CFAP58: variants seen among roughly 807,000 people sequenced by gnomAD.
The protein encoded by CFAP58 is cilia- and flagella-associated protein 58.
A neutral mutation model predicts 119.5 loss-of-function variants in CFAP58; 88 were observed. That is an observed-to-expected ratio of 0.74 (90% CI 0.62 to 0.88). The LOEUF is 0.88. Among genes scored for constraint, CFAP58 ranks in the 40% least tolerant of loss-of-function variants. The pLI is 0.00. For synonymous variants in CFAP58, 365 were observed against 366.3 expected, an observed-to-expected ratio of 1.00 and a Z score of 0.04; for missense variants, 990 against 1,021.2, an observed-to-expected ratio of 0.97 and a Z score of 0.42.
At chr10:104,403,703 T>G in intron 13 of CFAP58, 26 bp from the exon 14 acceptor site, 3 of 1,500,024 alleles carry the variant, frequency 2.0e-6, no homozygotes, top group Non-Finnish European at 2.8e-6. Flanking sequence ...GATAATTCTT[T>G]GCAAAATCAA....
In CFAP58 at chr10:104,440,337, A is replaced by T. The variant is rs545670748; in HGVS notation, c.2257-7361A>T. ...AAAAAATTCTTTGGAATAGCCAATT[A>T]AGTTGAATTTTAAAAAAACCACATG... On this transcript the variant is annotated intron_variant, in intron 15 of 17. Coordinates refer to ENST00000369704, the MANE Select transcript of CFAP58 (RefSeq NM_001008723.2). Among the ~76,000 whole-genome samples, 187 of 115,238 alleles carry T rather than the reference A, an allele frequency of 1.6e-3. 1 individual carries two copies. The highest frequency in any genetic ancestry group is 6.9e-3 in the African/African-American group (171 of 24,748). 75.6% of individuals were successfully genotyped at this position (115,238 alleles called of 152,430 possible).
At position 104,454,722 on chromosome 10, in the gene CFAP58, A is replaced by T. The variant is rs2013253380; in HGVS notation, c.*192A>T. On this transcript the variant is annotated 3_prime_UTR_variant, in exon 18 of 18. Coordinates refer to ENST00000369704, the MANE Select transcript of CFAP58 (RefSeq NM_001008723.2). ...GTCTGGTTCACGTTGATATTAACAG[A>T]TCATAATTCTCTCTGTTCAGTTAGG... 3 of 555,548 alleles carry T rather than the reference A, an allele frequency of 5.4e-6. No individual in the cohort carries two copies. Among genetic ancestry groups the T allele is most frequent in the African/African-American group, 1.9e-5 (1 of 52,842 alleles). 34.4% of individuals were successfully genotyped at this position (555,548 alleles called of 1,614,324 possible).
rs145774698 is a variant in CFAP58 at position 104,435,664 on chromosome 10, C to A, written c.2257-12034C>A. On this transcript the variant is annotated intron_variant, in intron 15 of 17. Coordinates refer to ENST00000369704, the MANE Select transcript of CFAP58 (RefSeq NM_001008723.2). ...CTTCTTTCTTGGTCTTTTTTCATTT[C>A]TCCTGTTCCCTAGAATGTTAACCAT... is the stretch of plus-strand genomic sequence containing the variant. Among the ~76,000 whole-genome samples the A allele has an allele frequency of 9.9e-5, 15 of 152,188 alleles. No individual in the cohort carries two copies. In the East Asian group the frequency reaches 2.9e-3, roughly 29 times the overall value.
At chr10:104,361,966 A>T in intron 2 of CFAP58, 57 bp from the exon 3 acceptor site, 1 of 1,537,794 alleles carries the variant, frequency 6.5e-7, no homozygotes, top group South Asian at 1.2e-5. Flanking sequence ...TTGCTGGTTT[A>T]TCTTGCATCT....
the CFAP58 span, among the ~76,000 whole-genome samples, chr10:104,348,097 C>T: frequency 6.6e-6 from 1 of 151,004 alleles, no homozygotes; most frequent in Non-Finnish European, 1.5e-5. Context: ...AGCTGTGGCC[C>T]TGGGGAGGTA....
At chr10:104,417,834 A>G (rs2012577530) in intron 15 of CFAP58, among the ~76,000 whole-genome samples, 2 of 152,242 alleles carry the variant, frequency 1.3e-5, no homozygotes, top group South Asian at 2.1e-4. Flanking sequence ...AACTTGTTCA[A>G]GAGTTCACAG....
intron 15 of CFAP58, among the ~76,000 whole-genome samples, chr10:104,431,947 T>G (rs2012854039): frequency 6.6e-6 from 1 of 152,220 alleles, no homozygotes; most frequent in African/African-American, 2.4e-5. Context: ...ATCTATTCTA[T>G]AGCCATTTTT....
At chr10:104,408,036 G>A (rs1474407580) in intron 15 of CFAP58, among the ~76,000 whole-genome samples, 21 of 152,194 alleles carry the variant, frequency 1.4e-4, no homozygotes, top group Admixed American at 1.4e-3. Context: ...ATATTAGTAG[G>A]AGTAGGAACT....
At position 104,446,800 on chromosome 10, in the gene CFAP58, G is replaced by A. The variant is rs1031361073; in HGVS notation, c.2257-898G>A. On this transcript the variant is annotated intron_variant, in intron 15 of 17. Transcript: ENST00000369704. ...ATGTAATTTCTTTAGTTCAAGGGTCGGAAAACACTTTACAAGCAATTAAAC... is the reference window on the plus strand; with the variant it reads ...ATGTAATTTCTTTAGTTCAAGGGTCAGAAAACACTTTACAAGCAATTAAAC... Among the ~76,000 whole-genome samples, 10 of 152,182 alleles carry A rather than the reference G, an allele frequency of 6.6e-5. No individual in the cohort carries two copies. In the East Asian group the frequency reaches 7.7e-4, roughly 12 times the overall value.
the CFAP58 span, among the ~76,000 whole-genome samples, chr10:104,340,580 A>G: frequency 4.6e-5 from 7 of 152,240 alleles, no homozygotes; most frequent in African/African-American, 1.7e-4. Flanking sequence ...ATAGGAAAGT[A>G]CAAAGATTCA....
At chr10:104,406,269 A>G (rs1480725833) in intron 14 of CFAP58, among the ~76,000 whole-genome samples, 2 of 152,142 alleles carry the variant, frequency 1.3e-5, no homozygotes, top group Admixed American at 1.3e-4. Context: ...TCTCAGCCTC[A>G]GTTGTCCTAT....
intron 9 of CFAP58, among the ~76,000 whole-genome samples, chr10:104,388,414 C>A (rs2011967968): frequency 6.6e-6 from 1 of 152,120 alleles, no homozygotes; most frequent in Non-Finnish European, 1.5e-5. Flanking sequence ...TTATATCCCC[C>A]ATTCATAATA....
At chr10:104,361,373 G>T (rs1001589681) in intron 2 of CFAP58, among the ~76,000 whole-genome samples, 5 of 152,128 alleles carry the variant, frequency 3.3e-5, no homozygotes, top group African/African-American at 9.7e-5. Flanking sequence ...GGTACAATTA[G>T]GTAACAGTAA....
rs1390368589 is a variant in CFAP58, at chr10:104,362,034, G to A, written c.303G>A (p.Lys101=). 1.2e-6 allele frequency: 2 copies of A among 1,613,690 alleles called. No individual in the cohort carries two copies. The highest frequency in any genetic ancestry group is 1.7e-6 in the Non-Finnish European group (2 of 1,179,886). The change falls in exon 3 of 18, where the codon AAG becomes AAA. Residue 101 remains lysine, a synonymous_variant. Transcript: ENST00000369704. ...TIASLKKEIE[K]AWKMVDSAYD... is the part of the protein sequence containing the mutation. ...TATGGCCCATCTAGGAAATTGAAAA[G>A]GCCTGGAAGATGGTGGACTCAGCCT...
chr10:104,397,753 C>T (rs1289190574), intron 11 of CFAP58, among the ~76,000 whole-genome samples: 1 of 152,228 alleles, frequency 6.6e-6, no homozygotes, highest in Non-Finnish European at 1.5e-5. Flanking sequence ...AGCTCTTCCT[C>T]CACATTTGCT....
At chr10:104,437,278 C>G (rs1400876474) in intron 15 of CFAP58, among the ~76,000 whole-genome samples, 1 of 152,234 alleles carries the variant, frequency 6.6e-6, no homozygotes, top group Non-Finnish European at 1.5e-5. Flanking sequence ...GCTACTGCTT[C>G]TATTACTCCT....
intron 15 of CFAP58, among the ~76,000 whole-genome samples, chr10:104,427,716 A>AT (rs1371426377): frequency 6.6e-6 from 1 of 152,056 alleles, no homozygotes; most frequent in Non-Finnish European, 1.5e-5. Flanking sequence ...ACCTCTCTTC[A>AT]TTTTTCAAAA....
intron 1 of CFAP58, 69 bp from the exon 2 acceptor site, chr10:104,358,269 TAGC>T (rs2014620948): frequency 2.7e-6 from 4 of 1,457,906 alleles, no homozygotes; most frequent in Non-Finnish European, 3.7e-6. Context: ...TCAGAGGTAA[TAGC>T]AGTAATTCCT....
intron 17 of CFAP58, among the ~76,000 whole-genome samples, chr10:104,452,174 A>T (rs1298217471): frequency 1.3e-5 from 2 of 152,080 alleles, no homozygotes; most frequent in Admixed American, 1.3e-4. Flanking sequence ...TACCATTGCC[A>T]GTTTGTAACT....
Sources: gnomAD v4.1 joint callset for allele counts (sites outside exome capture counted in the v4.1 genomes callset) on GRCh38, gnomAD v4.1.1 for gene constraint, MANE v1.5 for transcripts, NCBI Gene and HGNC (gene_info 2026-07-23, HGNC 2026-07-21) for gene names.